ITGA1: variants seen among roughly 807,000 people sequenced by gnomAD.
ITGA1 encodes the protein integrin subunit alpha 1, also known as integrin alpha-1.
A neutral mutation model predicts 145.9 loss-of-function variants in ITGA1; 85 were observed. The ratio of observed to expected loss-of-function variants is 0.58; its 90% CI spans 0.49 to 0.70. ITGA1 has a LOEUF of 0.70. Among genes scored for constraint, ITGA1 ranks in the 30% least tolerant of loss-of-function variants. The pLI is 0.00. For missense variants in ITGA1, 1,351 were observed against 1,418.7 expected (o/e 0.95, Z 0.77); for synonymous variants, 520 against 495.3 (o/e 1.05, Z -0.66).
chr5:52,914,550 C>T (rs1309737645), intron 14 of ITGA1, among the ~76,000 whole-genome samples: 1 of 150,924 alleles, frequency 6.6e-6, no homozygotes, highest in African/African-American at 2.4e-5. Context: ...GCAGGAGAAT[C>T]ACTTGAACCT....
intron 14 of ITGA1, among the ~76,000 whole-genome samples, 193 bp from the exon 15 acceptor site, chr5:52,915,271 T>C (rs907460122): frequency 6.6e-5 from 10 of 152,236 alleles, no homozygotes; most frequent in Admixed American, 4.6e-4. Context: ...ATTTTGTCTG[T>C]ACTATAAAAA....
chr5:52,795,747 T>G (rs1233950785), intron 1 of ITGA1, among the ~76,000 whole-genome samples: 1 of 151,972 alleles, frequency 6.6e-6, no homozygotes, highest in Non-Finnish European at 1.5e-5. Context: ...TTTTTAGAGC[T>G]CTATAATTTA....
intron 18 of ITGA1, among the ~76,000 whole-genome samples, chr5:52,924,113 G>T (rs183892745): frequency 2.6e-5 from 4 of 152,182 alleles, no homozygotes; most frequent in Admixed American, 2.6e-4. Flanking sequence ...TATGAGGGAT[G>T]GGGAATTCTT....
chr5:52,870,865 G>T (rs1379223273), intron 6 of ITGA1, among the ~76,000 whole-genome samples: 1 of 152,194 alleles, frequency 6.6e-6, no homozygotes, highest in African/African-American at 2.4e-5. Flanking sequence ...CAGGGCAAGG[G>T]TGTAGGTGAG....
intron 23 of ITGA1, among the ~76,000 whole-genome samples, chr5:52,936,988 C>G (rs532424925): frequency 2.0e-5 from 3 of 148,812 alleles, no homozygotes; most frequent in African/African-American, 7.5e-5. Flanking sequence ...GTAAAGGCAA[C>G]CAAAAATCTA....
chr5:52,856,748 T>C (rs1749519866), intron 2 of ITGA1, among the ~76,000 whole-genome samples: 1 of 152,120 alleles, frequency 6.6e-6, no homozygotes. Flanking sequence ...TCACTTCCTG[T>C]TTCAGTTAAC....
intron 9 of ITGA1, among the ~76,000 whole-genome samples, chr5:52,895,884 A>T (rs1474119651): frequency 6.6e-6 from 1 of 152,202 alleles, no homozygotes; most frequent in Admixed American, 6.5e-5. Context: ...TGAGATATTT[A>T]AAAAGGCTTT....
intron 11 of ITGA1, chr5:52,905,194 G>C (rs906699469): frequency 5.3e-5 from 8 of 152,142 alleles, no homozygotes; most frequent in Admixed American, 2.0e-4. Context: ...ATGCTCCAAG[G>C]TGTCTTTGAA....
intron 1 of ITGA1, among the ~76,000 whole-genome samples, chr5:52,794,668 AAAAC>A (rs1326009178): frequency 6.6e-6 from 1 of 151,600 alleles, no homozygotes; most frequent in African/African-American, 2.4e-5. Flanking sequence ...AAAAACAAAT[AAAAC>A]AAACAAAAAA....
chr5:52,879,476 A>G (rs1456359501), intron 6 of ITGA1, among the ~76,000 whole-genome samples: 1 of 152,222 alleles, frequency 6.6e-6, no homozygotes, highest in Admixed American at 6.5e-5. Context: ...GAACATTTAT[A>G]TACCCAAAGA....
chr5:52,912,738 G>GCA (rs1554046526), intron 14 of ITGA1, among the ~76,000 whole-genome samples: 6 of 111,514 alleles, frequency 5.4e-5, no homozygotes, highest in African/African-American at 2.3e-4. Context: ...GTGTGTGTGT[G>GCA]TGTATATATA....
At chr5:52,818,117 A>C (rs2938796) in intron 1 of ITGA1, among the ~76,000 whole-genome samples, 51,201 of 152,054 alleles carry the variant, frequency 0.34, 9,168 homozygotes, top group East Asian at 0.47. Context: ...CAAACTGGGC[A>C]TAATTAAGAT....
At chr5:52,827,887 A>G (rs538157988) in intron 1 of ITGA1, among the ~76,000 whole-genome samples, 3 of 152,234 alleles carry the variant, frequency 2.0e-5, no homozygotes, top group Admixed American at 6.5e-5. Context: ...CACAACTTTT[A>G]TATGCACTGG....
intron 1 of ITGA1, among the ~76,000 whole-genome samples, chr5:52,838,274 A>G (rs746747272): frequency 6.6e-6 from 1 of 152,182 alleles, no homozygotes; most frequent in Non-Finnish European, 1.5e-5. Context: ...CAGTACTGAG[A>G]CATTGAGAAA....
At chr5:52,930,298 T>C (rs1484542591) in intron 21 of ITGA1, among the ~76,000 whole-genome samples, 1 of 152,150 alleles carries the variant, frequency 6.6e-6, no homozygotes, top group African/African-American at 2.4e-5. Flanking sequence ...TGCCATATTA[T>C]AATCACTACA....
intron 7 of ITGA1, 149 bp from the exon 8 acceptor site, chr5:52,887,666 G>C: frequency 1.6e-6 from 1 of 624,940 alleles, no homozygotes; most frequent in South Asian, 3.0e-5. Context: ...GGCTCATTAT[G>C]CCTCCCAACT....
At chr5:52,822,751 C>A in intron 1 of ITGA1, among the ~76,000 whole-genome samples, 1 of 152,230 alleles carries the variant, frequency 6.6e-6, no homozygotes. Flanking sequence ...TCGGTAATTA[C>A]ACCCCAGGGA....
intron 9 of ITGA1, among the ~76,000 whole-genome samples, chr5:52,897,050 A>G (rs1055330222): frequency 9.9e-5 from 15 of 152,134 alleles, no homozygotes; most frequent in African/African-American, 3.6e-4. Flanking sequence ...CCCATAACAT[A>G]TTAAGGGAGT....
chr5:52,848,405 T>C (rs926239342), intron 1 of ITGA1, among the ~76,000 whole-genome samples: 3 of 152,238 alleles, frequency 2.0e-5, no homozygotes, highest in Admixed American at 2.0e-4. Flanking sequence ...TGGAAAACTA[T>C]CTGCAACTGT....
Sources: allele counts gnomAD v4.1 joint callset (sites outside exome capture counted in the v4.1 genomes callset), GRCh38; gene constraint gnomAD v4.1.1; transcripts MANE v1.5; gene names NCBI Gene and HGNC (gene_info 2026-07-23, HGNC 2026-07-21).